EML5: variants seen among roughly 807,000 people sequenced by gnomAD.
The protein encoded by EML5 is echinoderm microtubule-associated protein-like 5.
EML5 carries 120 observed loss-of-function variants against 250.0 expected under a neutral mutation model. The observed-to-expected ratio is 0.48, with a 90% CI of 0.41 to 0.56. EML5 has a LOEUF of 0.56. EML5 is among the 20% of genes least tolerant of loss of function. The pLI, the probability that EML5 is intolerant of heterozygous loss-of-function variation, is 0.00. For missense variants in EML5, 2,006 were observed against 2,437.6 expected (o/e 0.82, Z 3.73); for synonymous variants, 771 against 806.5 (o/e 0.96, Z 0.75).
chr14:88,685,187 TAATAC>T lies in EML5; in HGVS notation c.2855-50_2855-46del, dbSNP rs780091461. The T allele has an allele frequency of 3.3e-6, 5 of 1,530,960 alleles. No individual in the cohort carries two copies. In the South Asian group the frequency reaches 5.0e-5, roughly 15 times the overall value. The allele number at this position is 1,530,960 out of a possible 1,614,324, so 94.8% of individuals were successfully genotyped here. On this transcript the variant is annotated intron_variant, in intron 19 of 43. Transcript: ENST00000554922. ...TGTTCTTTTAGACATACAGTTACTATAATACAACAGTGTATATATTGCCAATTAAG... is the reference window on the plus strand; with the variant it reads ...TGTTCTTTTAGACATACAGTTACTATAACAGTGTATATATTGCCAATTAAG...
chr14:88,616,285 C>G, intron 42 of EML5, 43 bp from the exon 43 acceptor site: 1 of 1,583,302 alleles, frequency 6.3e-7, no homozygotes, highest in South Asian at 1.1e-5. Flanking sequence ...TTGGTGCACA[C>G]AGAAGTCAAA....
At chr14:88,642,596 A>G (rs754062688) in intron 31 of EML5, among the ~76,000 whole-genome samples, 3 of 152,200 alleles carry the variant, frequency 2.0e-5, no homozygotes, top group Non-Finnish European at 2.9e-5. Context: ...TTAAAGTTAC[A>G]AACGGTTTCA....
intron 7 of EML5, among the ~76,000 whole-genome samples, chr14:88,732,345 T>G (rs1369156391): frequency 6.6e-6 from 1 of 152,204 alleles, no homozygotes; most frequent in Non-Finnish European, 1.5e-5. Context: ...TTTCTTGTTT[T>G]TGTCAGGTTT....
chr14:88,768,144 A>T (rs185418907), intron 1 of EML5, among the ~76,000 whole-genome samples: 140 of 152,304 alleles, frequency 9.2e-4, no homozygotes, highest in Non-Finnish European at 1.5e-3. Flanking sequence ...ATACCACAAA[A>T]ATTACATTTG....
In EML5 at chr14:88,792,857, TC is replaced by T; in HGVS notation, c.-355del. 1 of 545,152 alleles carries T rather than the reference TC, an allele frequency of 1.8e-6. No homozygotes were observed. Among genetic ancestry groups the T allele is most frequent in the Non-Finnish European group, 2.3e-6 (1 of 427,046 alleles). The allele number at this position is 545,152 out of a possible 1,614,324, so 33.8% of individuals were successfully genotyped here. A position where few individuals can be genotyped will look rare whatever the true frequency, so the allele number is the denominator to read the frequency against. On this transcript the variant is annotated 5_prime_UTR_variant, in exon 1 of 44. Coordinates refer to ENST00000554922, the MANE Select transcript of EML5 (RefSeq NM_183387.3). The surrounding 1 kb of genome is among the most constrained non-coding windows in gnomAD (Gnocchi z 6.9). ...CTCAGCCGCCGCCCGCGCACGCAGCTCCCAGCCCCGGTCACCTGCGGCGCTC... is the reference window on the plus strand; with the variant it reads ...CTCAGCCGCCGCCCGCGCACGCAGCTCCAGCCCCGGTCACCTGCGGCGCTC...
chr14:88,773,258 T>C (rs920447434), intron 1 of EML5, among the ~76,000 whole-genome samples: 1 of 152,186 alleles, frequency 6.6e-6, no homozygotes, highest in Non-Finnish European at 1.5e-5. Flanking sequence ...TCCCTGTGAG[T>C]GAGCATTTTT....
In EML5 at chr14:88,792,877, GGC is replaced by G. The variant is rs563605221; in HGVS notation, c.-376_-375del. On this transcript the variant is annotated 5_prime_UTR_variant, in exon 1 of 44. Coordinates refer to ENST00000554922, the MANE Select transcript of EML5 (RefSeq NM_183387.3). This position sits in a 1 kb window ranked among gnomAD's most constrained non-coding sequence, Gnocchi z 6.9. The stretch of plus-strand genomic sequence containing the variant: ...GCAGCTCCCAGCCCCGGTCACCTGC[GGC>G]GCTCGCGCCCCGCCGCGGCTTTGTA... 3.1e-4 allele frequency: 111 copies of G among 358,472 alleles called. 1 individual carries two copies. In the East Asian group the frequency reaches 0.016, roughly 51 times the overall value. The allele number at this position is 358,472 out of a possible 1,614,324, so 22.2% of individuals were successfully genotyped here. A position where few individuals can be genotyped will look rare whatever the true frequency, so the allele number is the denominator to read the frequency against.
At chr14:88,790,154 T>C (rs1387421120) in intron 1 of EML5, among the ~76,000 whole-genome samples, 3 of 152,228 alleles carry the variant, frequency 2.0e-5, no homozygotes, top group East Asian at 3.8e-4. Context: ...TGAAATAAAA[T>C]GTCCAGAGCC....
At chr14:88,654,222 C>CA (rs1369981694) in intron 27 of EML5, among the ~76,000 whole-genome samples, 1 of 151,974 alleles carries the variant, frequency 6.6e-6, no homozygotes, top group African/African-American at 2.4e-5. Flanking sequence ...TCAATCTTTT[C>CA]AAAAAACCAG....
At chr14:88,645,771 C>T (rs1286418884) in intron 29 of EML5, among the ~76,000 whole-genome samples, 1 of 152,182 alleles carries the variant, frequency 6.6e-6, no homozygotes, top group African/African-American at 2.4e-5. Flanking sequence ...TTGCTTCCAA[C>T]TCTTTCTCTT....
intron 1 of EML5, among the ~76,000 whole-genome samples, chr14:88,769,345 T>C (rs1303118636): frequency 1.3e-5 from 2 of 152,150 alleles, no homozygotes; most frequent in Non-Finnish European, 1.5e-5. Context: ...GTGAAGTGCC[T>C]TGCCTCCCCT....
Position 88,627,662 on chromosome 14 carries a change from A to G in EML5, c.4515T>C (p.Ile1505=). The change falls in exon 34 of 44, where the codon ATT becomes ATC. Residue 1505 remains isoleucine (I), a synonymous_variant. Transcript: ENST00000554922. ...GAATCCTACCTTCCTGCCATCTCCA[A>G]ATGGTAATAGTATGTTCTGGGTCTA... The part of the protein sequence containing the change: ...VGLDPEHTIT[I]WRWQEGAKIA... 3 of 1,599,018 alleles carry G rather than the reference A, an allele frequency of 1.9e-6. No individual in the cohort carries two copies. The highest frequency in any genetic ancestry group is 2.6e-6 in the Non-Finnish European group (3 of 1,176,104).
chr14:88,716,147 G>T (rs908826630), intron 8 of EML5, among the ~76,000 whole-genome samples: 1 of 152,136 alleles, frequency 6.6e-6, no homozygotes, highest in South Asian at 2.1e-4. Flanking sequence ...ACATGTGCAA[G>T]AATTAATCTT....
chr14:88,717,563 G>C (rs998246999), intron 8 of EML5, among the ~76,000 whole-genome samples: 1 of 152,108 alleles, frequency 6.6e-6, no homozygotes, highest in Non-Finnish European at 1.5e-5. Flanking sequence ...AGACCATCCT[G>C]GCTAACACGG....
chr14:88,645,797 T>C (rs2091318927), intron 29 of EML5, among the ~76,000 whole-genome samples: 1 of 152,194 alleles, frequency 6.6e-6, no homozygotes, highest in African/African-American at 2.4e-5. Context: ...ATTCTCACTA[T>C]TTACTAAAAA....
At position 88,779,010 on chromosome 14, in the gene EML5, T is replaced by C. The variant is rs571340301; in HGVS notation, c.197+13297A>G. Reference sequence around the variant, plus strand: ...TAAAGCATTTAGATTGTAGATTGTATATGTGAGAATTTTTGGAGCTCTCTT... The same window carrying C: ...TAAAGCATTTAGATTGTAGATTGTACATGTGAGAATTTTTGGAGCTCTCTT... On this transcript the variant is annotated intron_variant, in intron 1 of 43. Coordinates refer to ENST00000554922, the MANE Select transcript of EML5 (RefSeq NM_183387.3). 1.6e-3 allele frequency among the ~76,000 whole-genome samples: 246 copies of C among 152,328 alleles called. 2 individuals are homozygous for C. The highest frequency in any genetic ancestry group is 2.7e-3 in the Non-Finnish European group (183 of 68,028).
chr14:88,727,721 G>T (rs923596388), intron 7 of EML5, among the ~76,000 whole-genome samples: 1 of 152,134 alleles, frequency 6.6e-6, no homozygotes, highest in Admixed American at 6.5e-5. Context: ...TTTAAACAAT[G>T]CAGTACATTG....
chr14:88,741,596 CTTGGGAGGCTGAG>C (rs929863651), intron 4 of EML5, among the ~76,000 whole-genome samples: 2 of 152,030 alleles, frequency 1.3e-5, no homozygotes, highest in African/African-American at 4.8e-5. Context: ...GTCTCAGCAA[CTTGGGAGGCTGAG>C]GTGGGAGGAT....
intron 1 of EML5, among the ~76,000 whole-genome samples, chr14:88,790,303 G>A (rs776164682): frequency 1.1e-4 from 16 of 152,184 alleles, no homozygotes; most frequent in Admixed American, 6.5e-5. Flanking sequence ...CATTAAAGAT[G>A]TGTCATTTGG....
Sources: gnomAD v4.1 joint callset for allele counts (sites outside exome capture counted in the v4.1 genomes callset) on GRCh38, gnomAD v4.1.1 for gene constraint, Gnocchi (gnomAD v3.1) non-coding constraint, MANE v1.5 for transcripts, NCBI Gene and HGNC (gene_info 2026-07-23, HGNC 2026-07-21) for gene names.